The following MAP3K15 variants were observed in gnomAD, a reference collection of about 807,000 sequenced individuals.
MAP3K15 encodes MAPK/ERK kinase kinase 15.
Under a neutral mutation model 99.5 loss-of-function variants are expected in MAP3K15, and 124 were observed. The ratio of observed to expected loss-of-function variants is 1.25; its 90% confidence interval spans 1.08 to 1.45. The LOEUF is 1.45. Among genes scored for constraint, MAP3K15 ranks in the 40% most tolerant of loss-of-function variants. MAP3K15 has a pLI of 0.00. For synonymous variants in MAP3K15, 494 were observed against 439.6 expected (o/e 1.12, Z -1.55); for missense variants, 1,242 against 1,079.7 (o/e 1.15, Z -2.11).
intron 1 of MAP3K15, among the ~76,000 whole-genome samples, chrX:19,505,747 C>CT (rs573926654): frequency 0.014 from 1,329 of 96,156 alleles, 9 homozygotes; most frequent in South Asian, 0.035. Context: ...AATCTCTTTT[C>CT]TTTTTTTTTT....
At chrX:19,434,860 C>T (rs960157228) in intron 6 of MAP3K15, among the ~76,000 whole-genome samples, 5 of 111,687 alleles carry the variant, frequency 4.5e-5, no homozygotes, top group African/African-American at 6.5e-5. Flanking sequence ...CACTTGGCGA[C>T]CTTCTGGAAA....
At chrX:19,440,020 C>T (rs2063948381) in intron 6 of MAP3K15, among the ~76,000 whole-genome samples, 2 of 111,253 alleles carry the variant, frequency 1.8e-5, no homozygotes, top group South Asian at 3.9e-4. Flanking sequence ...AAGAAGCCAG[C>T]GCAGTTTCTT....
intron 20 of MAP3K15, 42 bp downstream of exon 20, chrX:19,374,435 T>C: frequency 1.7e-6 from 2 of 1,165,354 alleles, no homozygotes; most frequent in Non-Finnish European, 2.3e-6. Flanking sequence ...CCCAGCATTC[T>C]TGTGGCCAGG....
intron 3 of MAP3K15, among the ~76,000 whole-genome samples, chrX:19,469,471 T>A (rs1429506389): frequency 1.3e-4 from 14 of 109,648 alleles, no homozygotes; most frequent in Middle Eastern, 4.7e-3. Context: ...AGGCAATACC[T>A]TTCAGGACAT....
Position 19,360,348 on chromosome X carries a change from G to C in MAP3K15, c.*401C>G. ...CTTGTTTGTTTCACCATTCCAGCAA[G>C]TGCTGAAGGGTGTACTTTTTTTGAG... On this transcript the variant is annotated 3_prime_UTR_variant, in exon 29 of 29. Coordinates refer to ENST00000338883, the MANE Select transcript of MAP3K15 (RefSeq NM_001001671.4). 1 of 153,375 alleles carries C rather than the reference G, an allele frequency of 6.5e-6. No homozygotes were observed. Among genetic ancestry groups the C allele is most frequent in the Non-Finnish European group, 1.2e-5 (1 of 80,548 alleles). 12.6% of individuals were successfully genotyped at this position (153,375 alleles called of 1,213,427 possible).
intron 25 of MAP3K15, among the ~76,000 whole-genome samples, chrX:19,364,893 C>CAAAA (rs781622051): frequency 2.1e-4 from 8 of 38,489 alleles, no homozygotes; most frequent in African/African-American, 5.1e-4. Flanking sequence ...AACTCTGTCT[C>CAAAA]AAAAAAAAAA....
chrX:19,463,601 T>C (rs1229538182), intron 4 of MAP3K15, among the ~76,000 whole-genome samples: 3 of 112,196 alleles, frequency 2.7e-5, no homozygotes, highest in African/African-American at 9.7e-5. Context: ...GAGGCTCCAA[T>C]AGGTGAGCTG....
intron 18 of MAP3K15, among the ~76,000 whole-genome samples, chrX:19,390,481 CTATAT>C (rs917583899): frequency 5.0e-5 from 5 of 100,995 alleles, no homozygotes; most frequent in Non-Finnish European, 7.9e-5. Context: ...CTAATAATTA[CTATAT>C]AATATATGTT....
intron 25 of MAP3K15, among the ~76,000 whole-genome samples, chrX:19,367,910 A>G (rs2063347410): frequency 9.5e-6 from 1 of 105,568 alleles, no homozygotes; most frequent in Admixed American, 1.0e-4. Context: ...CACCACGCCC[A>G]GCTAATTTTT....
intron 4 of MAP3K15, among the ~76,000 whole-genome samples, chrX:19,462,479 T>C (rs2064139589): frequency 8.9e-6 from 1 of 112,344 alleles, no homozygotes; most frequent in Non-Finnish European, 1.9e-5. Context: ...ACTGAAGCTA[T>C]TAAAGTGTTA....
chrX:19,413,244 CAT>C, intron 11 of MAP3K15, 111 bp downstream of exon 11: 1 of 526,927 alleles, frequency 1.9e-6, no homozygotes, highest in Non-Finnish European at 3.2e-6. Flanking sequence ...GATACTCTCT[CAT>C]ATATTCTCAT....
At chrX:19,441,275 G>C (rs987397887) in intron 6 of MAP3K15, among the ~76,000 whole-genome samples, 1 of 110,225 alleles carries the variant, frequency 9.1e-6, no homozygotes, top group Admixed American at 9.7e-5. Context: ...CCCATTAACA[G>C]GTTGCCAAAA....
chrX:19,414,649 C>G lies in MAP3K15; in HGVS notation c.1590+458G>C, dbSNP rs538296314. ...AACCAAAGCTTAACAGGAAACCACG[C>G]TGAATTCCAAGTTTCCACTCGTGGT... On this transcript the variant is annotated intron_variant, in intron 10 of 28. Transcript: ENST00000338883. Among the ~76,000 whole-genome samples the G allele has an allele frequency of 1.5e-3, 164 of 112,541 alleles. 1 individual carries two copies. Among genetic ancestry groups the G allele is most frequent in the Middle Eastern group, 4.6e-3 (1 of 216 alleles).
intron 6 of MAP3K15, among the ~76,000 whole-genome samples, chrX:19,453,506 A>AG (rs1320601783): frequency 9.1e-6 from 1 of 110,036 alleles, no homozygotes; most frequent in African/African-American, 3.3e-5. Context: ...AGGCCAAAAA[A>AG]AAAAAAAAAA....
intron 18 of MAP3K15, among the ~76,000 whole-genome samples, chrX:19,390,994 T>C (rs745866197): frequency 6.0e-4 from 67 of 111,950 alleles, no homozygotes; most frequent in African/African-American, 2.0e-3. Flanking sequence ...TAGCCACAAG[T>C]AGCTTTTGAC....
intron 14 of MAP3K15, 116 bp from the exon 15 acceptor site, chrX:19,398,475 T>C (rs2063584577): frequency 1.2e-6 from 1 of 819,899 alleles, no homozygotes; most frequent in African/African-American, 2.0e-5. Context: ...TATTTGACTG[T>C]CAGGCAAGTC....
At chrX:19,483,125 G>A (rs1214725695) in intron 3 of MAP3K15, among the ~76,000 whole-genome samples, 2 of 109,485 alleles carry the variant, frequency 1.8e-5, no homozygotes, top group Non-Finnish European at 3.8e-5. Flanking sequence ...GGTCATGGTG[G>A]CACATGCCTG....
intron 9 of MAP3K15, 91 bp downstream of exon 9, chrX:19,425,440 C>A: frequency 1.1e-6 from 1 of 921,689 alleles, no homozygotes; most frequent in Non-Finnish European, 1.4e-6. Context: ...AATGAAAAGT[C>A]AGAAGGAGAA....
chrX:19,472,325 T>C (rs2064214001), intron 3 of MAP3K15, among the ~76,000 whole-genome samples: 1 of 110,558 alleles, frequency 9.0e-6, no homozygotes, highest in African/African-American at 3.3e-5. Flanking sequence ...TGAATTCACG[T>C]GATAAAAAAC....
Sources: allele counts gnomAD v4.1 joint callset (sites outside exome capture counted in the v4.1 genomes callset), GRCh38; gene constraint gnomAD v4.1.1; transcripts MANE v1.5; gene names NCBI Gene and HGNC (gene_info 2026-07-23, HGNC 2026-07-21).